The following GAPVD1 variants were observed in gnomAD, a reference collection of about 807,000 sequenced individuals.
The protein encoded by GAPVD1 is GTPase-activating protein and VPS9 domain-containing protein 1.
GAPVD1 carries 35 observed loss-of-function variants against 155.5 expected under a neutral mutation model. The ratio of observed to expected loss-of-function variants is 0.23; its 90% confidence interval spans 0.17 to 0.30. The LOEUF (loss-of-function observed/expected upper bound fraction) is 0.30, where lower values mean the gene tolerates loss of function less well. Ranked by LOEUF, GAPVD1 falls within the 10% of genes least tolerant of loss-of-function variation. The probability of loss-of-function intolerance (pLI) is 1.00; values close to 1 mark genes in which losing one functional copy is unlikely to be tolerated. For missense variants in GAPVD1, 1,429 were observed against 1,775.7 expected (o/e 0.80, Z 3.51); for synonymous variants, 636 against 619.7 (o/e 1.03, Z -0.39).
chr9:125,360,941 A>C (rs1850816084), intron 27 of GAPVD1, among the ~76,000 whole-genome samples: 4 of 152,162 alleles, frequency 2.6e-5, no homozygotes. Flanking sequence ...AGCCCACTGC[A>C]ACCTCCATCT....
At chr9:125,298,286 A>G (rs556738578) in intron 3 of GAPVD1, among the ~76,000 whole-genome samples, 2 of 152,152 alleles carry the variant, frequency 1.3e-5, no homozygotes, top group African/African-American at 2.4e-5. Flanking sequence ...GGGTTAACAA[A>G]TAGACATTGT....
chr9:125,312,556 G>A lies in GAPVD1; in HGVS notation c.1546G>A (p.Val516Ile). The A allele has an allele frequency of 2.5e-6, 4 of 1,610,276 alleles. No homozygotes were observed. Among genetic ancestry groups the A allele is most frequent in the Non-Finnish European group, 3.4e-6 (4 of 1,178,768 alleles). Residue 516 changes from valine to isoleucine, a missense_variant, in exon 9 of 28, where the codon GTC becomes ATC. Transcript: ENST00000297933. Reference protein sequence around the residue: ...IQEVQPEEVLVISLGTGPQLT... With the variant: ...IQEVQPEEVLIISLGTGPQLT... ...GGAGGTGCAACCAGAAGAGGTGTTGGTCATTTCCTTAGGTACAGGTCCCCA... is the reference window on the plus strand; with the variant it reads ...GGAGGTGCAACCAGAAGAGGTGTTGATCATTTCCTTAGGTACAGGTCCCCA...
intron 2 of GAPVD1, among the ~76,000 whole-genome samples, chr9:125,288,796 A>C (rs1024143553): frequency 3.3e-5 from 5 of 152,230 alleles, no homozygotes; most frequent in African/African-American, 1.2e-4. Context: ...TATGGAGTTC[A>C]GATTTTCTTA....
chr9:125,262,403 C>T (rs1418843227), intron 1 of GAPVD1, among the ~76,000 whole-genome samples: 1 of 152,156 alleles, frequency 6.6e-6, no homozygotes, highest in Non-Finnish European at 1.5e-5. Context: ...CTGGGGGCAG[C>T]CCACCTAACA....
At chr9:125,332,134 A>G in intron 14 of GAPVD1, 74 bp downstream of exon 14, 1 of 1,325,580 alleles carries the variant, frequency 7.5e-7, no homozygotes, top group East Asian at 2.5e-5. Flanking sequence ...TATAAAGTTG[A>G]TACAAAAAGA....
At chr9:125,324,825 A>G (rs1458004099) in intron 11 of GAPVD1, among the ~76,000 whole-genome samples, 2 of 152,216 alleles carry the variant, frequency 1.3e-5, no homozygotes, top group African/African-American at 2.4e-5. Context: ...TCAGTATTTT[A>G]GTAGTAAGCT....
intron 2 of GAPVD1, among the ~76,000 whole-genome samples, chr9:125,288,748 G>T (rs1420126592): frequency 2.0e-5 from 3 of 152,168 alleles, no homozygotes; most frequent in African/African-American, 7.2e-5. Flanking sequence ...GGTCAGTGAT[G>T]ACTGCAAGGG....
At chr9:125,357,577 T>TA (rs1454268205) in intron 25 of GAPVD1, among the ~76,000 whole-genome samples, 8 of 151,540 alleles carry the variant, frequency 5.3e-5, no homozygotes, top group African/African-American at 1.7e-4. Context: ...AGACTCTGTC[T>TA]AAAAAAAATG....
In GAPVD1 at chr9:125,332,045, C is replaced by A. The variant is rs2131820448; in HGVS notation, c.2293C>A (p.Leu765Ile). Residue 765 changes from leucine (L) to isoleucine (I), a missense_variant, in exon 14 of 28, where the codon CTC (leucine) becomes ATC (isoleucine). Physicochemically the swap from Leu to Ile is conservative, Grantham distance 5 (BLOSUM62 2). Coordinates refer to ENST00000297933, the MANE Select transcript of GAPVD1 (RefSeq NM_001282680.3). ...EVSSRPSTPG[L>I]SVVSGISATS... ...CAGTTCCCGCCCCAGCACACCAGGC[C>A]TCAGTGTTGTGTCCGGTATGTCTGT... is the stretch of plus-strand genomic sequence containing the variant. The A allele has an allele frequency of 6.2e-7, 1 of 1,614,070 alleles. No individual in the cohort carries two copies. The highest frequency in any genetic ancestry group is 2.2e-5 in the East Asian group (1 of 44,884).
rs757773363 is a variant in GAPVD1, at chr9:125,302,634, T to G, written c.837T>G (p.Ser279Arg). 1.2e-6 allele frequency: 2 copies of G among 1,613,822 alleles called. No individual in the cohort carries two copies. Among genetic ancestry groups the G allele is most frequent in the Non-Finnish European group, 1.7e-6 (2 of 1,179,764 alleles). ...AGAACACATATTGTTTTCCACATAGTTTAAGGTGGATCGTGTCTCAGATGT... is the reference window on the plus strand; with the variant it reads ...AGAACACATATTGTTTTCCACATAGGTTAAGGTGGATCGTGTCTCAGATGT... ...LKQNTYCFPH[S>R]LRWIVSQMYK... The change falls in exon 5 of 28, where the codon AGT becomes AGG. Residue 279 changes from serine (S) to arginine (R), a missense_variant. Coordinates refer to ENST00000297933, the MANE Select transcript of GAPVD1 (RefSeq NM_001282680.3).
intron 2 of GAPVD1, among the ~76,000 whole-genome samples, chr9:125,286,572 T>A (rs1196968831): frequency 6.6e-6 from 1 of 152,206 alleles, no homozygotes; most frequent in Admixed American, 6.5e-5. Flanking sequence ...AATGTTAATT[T>A]AAAAATTCTT....
In GAPVD1 at chr9:125,261,972, C is replaced by T. The variant is rs1832977724; in HGVS notation, c.-199+13C>T. On this transcript the variant is annotated intron_variant, in intron 1 of 27. Coordinates refer to ENST00000297933, the MANE Select transcript of GAPVD1 (RefSeq NM_001282680.3). ...CATGACCCCCTTGGTGAGTACGCGT[C>T]CCGATTTAGTCCGCGGGCTGTGAGC... 6.5e-6 allele frequency: 1 copy of T among 152,676 alleles called. No individual in the cohort carries two copies. Among genetic ancestry groups the T allele is most frequent in the Non-Finnish European group, 1.5e-5 (1 of 68,480 alleles). The allele number at this position is 152,676 out of a possible 1,614,324, so 9.5% of individuals were successfully genotyped here.
At chr9:125,279,570 CA>C (rs373750165) in intron 2 of GAPVD1, among the ~76,000 whole-genome samples, 4,596 of 55,800 alleles carry the variant, frequency 0.082, 126 homozygotes, top group East Asian at 0.35. Context: ...GACTTCATCT[CA>C]AAAAAAAAAA....
chr9:125,344,361 T>A (rs777201587), intron 19 of GAPVD1, among the ~76,000 whole-genome samples: 20 of 152,200 alleles, frequency 1.3e-4, no homozygotes, highest in Non-Finnish European at 2.8e-4. Flanking sequence ...TTTTTAGACA[T>A]AGTTGGGTTT....
chr9:125,296,361 T>TTTTTTTTTGTTTTG (rs1839865939), intron 3 of GAPVD1, among the ~76,000 whole-genome samples: 1 of 145,376 alleles, frequency 6.9e-6, no homozygotes, highest in African/African-American at 2.6e-5. Flanking sequence ...TTCTTAGGTT[T>TTTTTTTTTGTTTTG]TTTTTTTTTT....
At chr9:125,262,622 C>T (rs752881855) in intron 1 of GAPVD1, among the ~76,000 whole-genome samples, 17 of 152,010 alleles carry the variant, frequency 1.1e-4, no homozygotes, top group Non-Finnish European at 1.8e-4. Flanking sequence ...GTGATAGGTT[C>T]AGATGAGAAC....
chr9:125,271,402 C>T (rs193302752), intron 2 of GAPVD1, among the ~76,000 whole-genome samples: 25 of 151,954 alleles, frequency 1.6e-4, no homozygotes, highest in East Asian at 7.7e-4. Context: ...ATTAAACCCA[C>T]GTGGTTTTTC....
chr9:125,330,318 T>A, intron 13 of GAPVD1, 100 bp downstream of exon 13: 1 of 186,282 alleles, frequency 5.4e-6, no homozygotes, highest in South Asian at 1.6e-4. Context: ...TCAAATACAC[T>A]TTTTTTTTTT....
intron 2 of GAPVD1, among the ~76,000 whole-genome samples, chr9:125,293,642 T>C (rs1291501401): frequency 7.8e-6 from 1 of 128,820 alleles, no homozygotes; most frequent in Non-Finnish European, 1.6e-5. Context: ...ATATATATAA[T>C]ATAAAAATAT....
Sources: allele counts gnomAD v4.1 joint callset (sites outside exome capture counted in the v4.1 genomes callset), GRCh38; gene constraint gnomAD v4.1.1; transcripts MANE v1.5; gene names NCBI Gene and HGNC (gene_info 2026-07-23, HGNC 2026-07-21).